The following SNX8 variants were observed in gnomAD, a reference collection of about 807,000 sequenced individuals.
SNX8 encodes sorting nexin 8, also known as sorting nexin-8.
SNX8 carries 25 observed loss-of-function variants against 51.6 expected under a neutral mutation model. That is an observed-to-expected ratio of 0.48 (90% confidence interval 0.35 to 0.68). The LOEUF (loss-of-function observed/expected upper bound fraction) is 0.68. Ranked by LOEUF, SNX8 falls within the 30% of genes least tolerant of loss-of-function variation. The probability of loss-of-function intolerance (pLI) is 0.00; values close to 1 mark genes in which losing one functional copy is unlikely to be tolerated. For missense variants in SNX8, 695 were observed against 624.0 expected (o/e 1.11, Z -1.21); for synonymous variants, 324 against 277.0 (o/e 1.17, Z -1.68).
At chr7:2,332,745 AGG>A (rs1402184854) in intron 1 of SNX8, among the ~76,000 whole-genome samples, 30 of 43,502 alleles carry the variant, frequency 6.9e-4, no homozygotes, top group East Asian at 3.1e-3. Context: ...GAGAGAGAAA[AGG>A]AAGGAAGGAA....
At chr7:2,271,797 G>A (rs545118245) in intron 4 of SNX8, 53 bp downstream of exon 4, 32 of 1,552,192 alleles carry the variant, frequency 2.1e-5, no homozygotes, top group Non-Finnish European at 2.4e-5. Flanking sequence ...AGGCGGGTCC[G>A]GAGGCTCGGG....
intron 1 of SNX8, among the ~76,000 whole-genome samples, chr7:2,349,727 C>T (rs574351229): frequency 7.2e-5 from 11 of 152,202 alleles, no homozygotes; most frequent in Middle Eastern, 3.4e-3. Flanking sequence ...TGAGCCACCG[C>T]GCCTGGCCAA....
At chr7:2,285,997 T>C (rs1269086127) in intron 1 of SNX8, among the ~76,000 whole-genome samples, 3 of 151,858 alleles carry the variant, frequency 2.0e-5, no homozygotes, top group Non-Finnish European at 4.4e-5. Flanking sequence ...TTGTATACTT[T>C]AAACAGTAAC....
chr7:2,314,530 G>A (rs1200230260), upstream of SNX8: 5 of 977,398 alleles, frequency 5.1e-6, no homozygotes, highest in Admixed American at 4.0e-4. Context: ...CCCCTCCCCC[G>A]CGCGCCACGC....
chr7:2,336,137 C>A (rs549019499), intron 1 of SNX8, among the ~76,000 whole-genome samples: 1 of 150,750 alleles, frequency 6.6e-6, no homozygotes, highest in Non-Finnish European at 1.5e-5. Flanking sequence ...CACGGTGGCT[C>A]ACACCTGTGA....
At chr7:2,308,967 T>G (rs1157388419) in intron 1 of SNX8, among the ~76,000 whole-genome samples, 1 of 151,992 alleles carries the variant, frequency 6.6e-6, no homozygotes, top group African/African-American at 2.4e-5. Flanking sequence ...TTATTGGATT[T>G]TTGTACAGAC....
chr7:2,270,962 TGGA>T (rs1795630270), intron 4 of SNX8, among the ~76,000 whole-genome samples: 1 of 152,116 alleles, frequency 6.6e-6, no homozygotes, highest in African/African-American at 2.4e-5. Context: ...CAGGCACAGG[TGGA>T]GGAGAAGCAC....
intron 2 of SNX8, among the ~76,000 whole-genome samples, chr7:2,275,500 G>C (rs1408459129): frequency 6.6e-6 from 1 of 151,718 alleles, no homozygotes; most frequent in Non-Finnish European, 1.5e-5. Context: ...AGGAGTTAAA[G>C]AGACCAGCCT....
intron 7 of SNX8, among the ~76,000 whole-genome samples, chr7:2,259,369 G>T (rs930424359): frequency 6.6e-6 from 1 of 152,214 alleles, no homozygotes; most frequent in Non-Finnish European, 1.5e-5. Context: ...AGCACCTCGG[G>T]GAGACCAAGC....
At chr7:2,255,738 C>A (rs1313835078) in intron 10 of SNX8, among the ~76,000 whole-genome samples, 2 of 152,244 alleles carry the variant, frequency 1.3e-5, no homozygotes, top group African/African-American at 4.8e-5. Context: ...AACACAAAGA[C>A]CACATCCACC....
chr7:2,305,360 T>TTTTG (rs201713348), intron 1 of SNX8, among the ~76,000 whole-genome samples: 1 of 151,996 alleles, frequency 6.6e-6, no homozygotes, highest in African/African-American at 2.4e-5. Context: ...CATTTTGTAT[T>TTTTG]TTTGTTTGTT....
At chr7:2,351,021 C>T (rs939433040) in intron 1 of SNX8, among the ~76,000 whole-genome samples, 8 of 152,010 alleles carry the variant, frequency 5.3e-5, no homozygotes, top group Non-Finnish European at 8.8e-5. Flanking sequence ...CAGGAGGAGG[C>T]GGCGGGAGGA....
intron 1 of SNX8, among the ~76,000 whole-genome samples, chr7:2,348,338 C>CTTTTTTTTT (rs59761780): frequency 3.2e-5 from 3 of 93,674 alleles, no homozygotes; most frequent in African/African-American, 7.8e-5. Context: ...TTCTTTCTTT[C>CTTTTTTTTT]TTTTTTTTTT....
In SNX8 at chr7:2,253,764, C is replaced by T. The variant is rs1773465383; in HGVS notation, c.*1292G>A. The T allele has an allele frequency of 6.6e-6, 1 of 152,252 alleles. No individual in the cohort carries two copies. Among genetic ancestry groups the T allele is most frequent in the African/African-American group, 2.4e-5 (1 of 41,432 alleles). 9.4% of individuals were successfully genotyped at this position (152,252 alleles called of 1,614,324 possible). A position where few individuals can be genotyped will look rare whatever the true frequency, so the allele number is the denominator to read the frequency against. Reference sequence around the variant, plus strand: ...CGGGGCACACACAGGAGTCCCCTCTCCATCCCACGGCCGTGAGCTGCCCGT... The same window carrying T: ...CGGGGCACACACAGGAGTCCCCTCTTCATCCCACGGCCGTGAGCTGCCCGT... On this transcript the variant is annotated 3_prime_UTR_variant, in exon 11 of 11. Transcript: ENST00000222990.
At chr7:2,347,005 G>C (rs1362780498) in intron 1 of SNX8, among the ~76,000 whole-genome samples, 2 of 151,396 alleles carry the variant, frequency 1.3e-5, no homozygotes, top group East Asian at 3.9e-4. Flanking sequence ...CTCTACATTT[G>C]AAGAAGCCAA....
At chr7:2,338,561 G>A (rs1428547080) in intron 1 of SNX8, among the ~76,000 whole-genome samples, 2 of 152,144 alleles carry the variant, frequency 1.3e-5, no homozygotes, top group Non-Finnish European at 2.9e-5. Context: ...TTGAACCCGG[G>A]AGGCTGAGGT....
At chr7:2,348,666 C>G (rs1779080111) in intron 1 of SNX8, among the ~76,000 whole-genome samples, 1 of 151,552 alleles carries the variant, frequency 6.6e-6, no homozygotes, top group South Asian at 2.1e-4. Context: ...GGTTACCCAG[C>G]CAGTGGCCAG....
chr7:2,272,099 G>A, intron 3 of SNX8, 128 bp from the exon 4 acceptor site: 3 of 1,319,784 alleles, frequency 2.3e-6, no homozygotes, highest in Non-Finnish European at 2.1e-6. Context: ...GGCACTGGCT[G>A]GGCCCCCAGT....
At position 2,268,588 on chromosome 7, in the gene SNX8, G is replaced by T. The variant is rs1253202151; in HGVS notation, c.621+971C>A. Among the ~76,000 whole-genome samples the T allele has an allele frequency of 4.1e-5, 6 of 145,734 alleles. No individual in the cohort carries two copies. The East Asian group carries it at 1.1e-3, about 26-fold the overall frequency. On this transcript the variant is annotated intron_variant, in intron 5 of 10. Transcript: ENST00000222990. ...CCCGCCTGGCCAGCCGCCCTGTCCGGGAGGGAGGTGGGGGGGTCAGCCCTC... is the reference window on the plus strand; with the variant it reads ...CCCGCCTGGCCAGCCGCCCTGTCCGTGAGGGAGGTGGGGGGGTCAGCCCTC...
Sources: gnomAD v4.1 joint callset for allele counts (sites outside exome capture counted in the v4.1 genomes callset) on GRCh38, gnomAD v4.1.1 for gene constraint, MANE v1.5 for transcripts, NCBI Gene and HGNC (gene_info 2026-07-23, HGNC 2026-07-21) for gene names.